Variants in SEC24D observed in about 807,000 individuals in gnomAD.
SEC24D encodes protein transport protein Sec24D.
SEC24D carries 69 observed loss-of-function variants against 116.9 expected under a neutral mutation model. The ratio of observed to expected loss-of-function variants is 0.59; its 90% CI spans 0.49 to 0.72. The LOEUF (loss-of-function observed/expected upper bound fraction) is 0.72. Among genes scored for constraint, SEC24D ranks in the 30% least tolerant of loss-of-function variants. The pLI is 0.00. For missense variants in SEC24D, 1,131 were observed against 1,264.1 expected (o/e 0.89, Z 1.60); for synonymous variants, 405 against 442.8 (o/e 0.91, Z 1.07).
chr4:118,728,855 G>A, intron 21 of SEC24D: 1 of 472,054 alleles, frequency 2.1e-6, no homozygotes. Context: ...AATTATTTCT[G>A]TCTTTTGGAA....
At chr4:118,791,701 T>G (rs1426970836) in intron 8 of SEC24D, among the ~76,000 whole-genome samples, 2 of 152,146 alleles carry the variant, frequency 1.3e-5, no homozygotes, top group Non-Finnish European at 1.5e-5. Flanking sequence ...GTTTTCGTAT[T>G]TTTTGGTGGA....
chr4:118,830,741 A>G (rs953836085), intron 2 of SEC24D, among the ~76,000 whole-genome samples: 1 of 152,118 alleles, frequency 6.6e-6, no homozygotes, highest in African/African-American at 2.4e-5. Flanking sequence ...AATAGTATAG[A>G]GGCCTGAAAA....
chr4:118,794,617 G>A (rs1478177852), intron 8 of SEC24D, among the ~76,000 whole-genome samples: 1 of 152,142 alleles, frequency 6.6e-6, no homozygotes, highest in Non-Finnish European at 1.5e-5. Context: ...CTTTGATAAG[G>A]TTCAGATAGC....
At chr4:118,784,132 T>C (rs533695954) in intron 8 of SEC24D, among the ~76,000 whole-genome samples, 8 of 152,336 alleles carry the variant, frequency 5.3e-5, no homozygotes, top group African/African-American at 1.4e-4. Flanking sequence ...GTGAGTTAAT[T>C]TGATTTGGGC....
intron 6 of SEC24D, among the ~76,000 whole-genome samples, chr4:118,809,869 G>A (rs1392120726): frequency 6.6e-6 from 1 of 152,204 alleles, no homozygotes; most frequent in Non-Finnish European, 1.5e-5. Flanking sequence ...GGGTGCCAGG[G>A]AGACTGAGGA....
chr4:118,799,605 T>A (rs1303053732), intron 7 of SEC24D, among the ~76,000 whole-genome samples: 1 of 152,070 alleles, frequency 6.6e-6, no homozygotes, highest in Non-Finnish European at 1.5e-5. Flanking sequence ...CCTGGGGTCC[T>A]CCAAGATAAG....
chr4:118,815,093 G>A lies in SEC24D; in HGVS notation c.736C>T (p.Pro246Ser), dbSNP rs902749236. The A allele has an allele frequency of 3.7e-6, 6 of 1,614,150 alleles. No individual in the cohort carries two copies. The highest frequency in any genetic ancestry group is 1.3e-5 in the African/African-American group (1 of 75,050). ...LSYPGGFPGG[P>S]AQMAGPPQPQ... ...TGTGGCGGACCAGCCATCTGTGCAG[G>A]ACCTCCAGGGAAGCCTCCTGGGTAA... Residue 246 changes from proline (P) to serine (S), a missense_variant, in exon 6 of 23, where the codon CCT (proline) becomes TCT (serine). Physicochemically the swap from Pro to Ser is moderately conservative, Grantham distance 74. Transcript: ENST00000280551.
intron 6 of SEC24D, among the ~76,000 whole-genome samples, chr4:118,808,605 T>A (rs1000956153): frequency 6.6e-6 from 1 of 152,238 alleles, no homozygotes; most frequent in African/African-American, 2.4e-5. Context: ...CTCAAATGCA[T>A]GTTCTTGAAA....
intron 4 of SEC24D, 95 bp from the exon 5 acceptor site, chr4:118,815,821 A>T (rs996511441): frequency 1.5e-6 from 2 of 1,362,492 alleles, no homozygotes; most frequent in Non-Finnish European, 2.0e-6. Flanking sequence ...TTTTCCTGAC[A>T]TAAAGCAAGA....
intron 1 of SEC24D, among the ~76,000 whole-genome samples, chr4:118,835,549 G>T (rs186361211): frequency 6.6e-6 from 1 of 152,186 alleles, no homozygotes; most frequent in Non-Finnish European, 1.5e-5. Flanking sequence ...GAGGCTTCAA[G>T]ATATAGTTGC....
At chr4:118,827,103 C>T (rs1227153452) in intron 2 of SEC24D, among the ~76,000 whole-genome samples, 1 of 152,120 alleles carries the variant, frequency 6.6e-6, no homozygotes, top group African/African-American at 2.4e-5. Context: ...AGTTAGAAAG[C>T]AAAGCTTGAG....
intron 8 of SEC24D, among the ~76,000 whole-genome samples, chr4:118,785,066 G>A (rs984679565): frequency 1.3e-5 from 2 of 151,956 alleles, no homozygotes; most frequent in African/African-American, 2.4e-5. Context: ...GCAGACACTA[G>A]GATAAAGAGA....
At chr4:118,826,808 G>A (rs1442762947) in intron 2 of SEC24D, among the ~76,000 whole-genome samples, 1 of 151,552 alleles carries the variant, frequency 6.6e-6, no homozygotes, top group African/African-American at 2.4e-5. Context: ...CCTTTTGTTT[G>A]GGAATCAACT....
At chr4:118,765,273 A>G (rs1278916323) in intron 9 of SEC24D, among the ~76,000 whole-genome samples, 1 of 152,232 alleles carries the variant, frequency 6.6e-6, no homozygotes, top group Admixed American at 6.5e-5. Context: ...TGAATTTTTA[A>G]TATACCTAAC....
chr4:118,741,332 G>A (rs1377855458), intron 15 of SEC24D, among the ~76,000 whole-genome samples: 1 of 152,152 alleles, frequency 6.6e-6, no homozygotes, highest in Non-Finnish European at 1.5e-5. Flanking sequence ...TCCACTCAGT[G>A]GCTTAGGGTT....
At chr4:118,797,615 A>G in intron 8 of SEC24D, 68 bp downstream of exon 8, 1 of 1,256,232 alleles carries the variant, frequency 8.0e-7, no homozygotes. Context: ...AATGTATAAG[A>G]AAATTGTGAG....
chr4:118,824,045 AAAAT>A (rs763875748), intron 3 of SEC24D, among the ~76,000 whole-genome samples: 74 of 152,388 alleles, frequency 4.9e-4, no homozygotes, highest in Non-Finnish European at 9.7e-4. Context: ...ATAAAATTCT[AAAAT>A]AAACTGAATA....
intron 22 of SEC24D, among the ~76,000 whole-genome samples, chr4:118,725,002 T>A (rs556903918): frequency 6.6e-6 from 1 of 152,364 alleles, no homozygotes; most frequent in East Asian, 1.9e-4. Flanking sequence ...GGGCCCTCCC[T>A]ACTTTTGCAT....
At chr4:118,752,262 T>G (rs566425599) in intron 12 of SEC24D, among the ~76,000 whole-genome samples, 173 bp from the exon 13 acceptor site, 9 of 152,348 alleles carry the variant, frequency 5.9e-5, no homozygotes, top group African/African-American at 1.9e-4. Flanking sequence ...GGCACCAAAA[T>G]CTATGATTTG....
Sources: allele counts gnomAD v4.1 joint callset (sites outside exome capture counted in the v4.1 genomes callset), GRCh38; gene constraint gnomAD v4.1.1; transcripts MANE v1.5; gene names NCBI Gene and HGNC (gene_info 2026-07-23, HGNC 2026-07-21).